Variants in SFMBT2 observed in about 807,000 individuals in gnomAD.
The protein encoded by SFMBT2 is scm-like with four MBT domains protein 2.
In SFMBT2, 38 loss-of-function variants were observed where a neutral mutation model predicts 110.1. That is an observed-to-expected ratio of 0.35 (90% CI 0.27 to 0.45). The LOEUF (loss-of-function observed/expected upper bound fraction) is 0.45, where lower values mean the gene tolerates loss of function less well. SFMBT2 is among the 20% of genes least tolerant of loss of function. The pLI, the probability that SFMBT2 is intolerant of heterozygous loss-of-function variation, is 1.00. For missense variants in SFMBT2, 1,011 were observed against 1,094.9 expected (o/e 0.92, Z 1.08); for synonymous variants, 425 against 425.4 (o/e 1.00, Z 0.01).
At chr10:7,349,921 ATG>A (rs1479718067) in intron 4 of SFMBT2, among the ~76,000 whole-genome samples, 1 of 152,148 alleles carries the variant, frequency 6.6e-6, no homozygotes, top group African/African-American at 2.4e-5. Context: ...AGTGTCTAGG[ATG>A]TCCCTATGGG....
intron 4 of SFMBT2, among the ~76,000 whole-genome samples, chr10:7,352,534 T>C (rs1213041418): frequency 6.6e-6 from 1 of 152,134 alleles, no homozygotes; most frequent in Non-Finnish European, 1.5e-5. Flanking sequence ...TGCCCAGGCT[T>C]AGACAGACAC....
At position 7,217,039 on chromosome 10, in the gene SFMBT2, C is replaced by T. The variant is rs191547042; in HGVS notation, c.1330+3372G>A. Reference sequence around the variant, plus strand: ...ATGATGAAAGTAGATAAACATAAAGCATTATTTATGATTGATAATAAATCT... The same window carrying T: ...ATGATGAAAGTAGATAAACATAAAGTATTATTTATGATTGATAATAAATCT... On this transcript the variant is annotated intron_variant, in intron 11 of 20. Coordinates refer to ENST00000397167, the MANE Select transcript of SFMBT2 (RefSeq NM_001387889.1). Among the ~76,000 whole-genome samples the T allele has an allele frequency of 1.3e-3, 200 of 152,292 alleles. 2 individuals are homozygous for T. Among genetic ancestry groups the T allele is most frequent in the African/African-American group, 4.7e-3 (197 of 41,568 alleles).
At position 7,410,986 on chromosome 10, in the gene SFMBT2, C is replaced by A. The variant is rs1383377449; in HGVS notation, c.-177G>T. ...CTCGCTCCCCGCCCGCCGCCTCCCT[C>A]GCGCGCCCGCTCCGGTCCTCCGGCT... On this transcript the variant is annotated 5_prime_UTR_variant, in exon 1 of 21. Coordinates refer to ENST00000397167, the MANE Select transcript of SFMBT2 (RefSeq NM_001387889.1). Among the ~76,000 whole-genome samples, 1 of 150,722 alleles carries A rather than the reference C, an allele frequency of 6.6e-6. No homozygotes were observed. The highest frequency in any genetic ancestry group is 1.5e-5 in the Non-Finnish European group (1 of 67,610).
At chr10:7,270,208 G>A (rs1564414513) in intron 7 of SFMBT2, among the ~76,000 whole-genome samples, 1 of 152,162 alleles carries the variant, frequency 6.6e-6, no homozygotes, top group Non-Finnish European at 1.5e-5. Context: ...GGGAACCGAG[G>A]GAGGTGGCCA....
chr10:7,315,116 A>AAGAAAGAAAGAAAGAAAG (rs1278252303), intron 4 of SFMBT2, among the ~76,000 whole-genome samples: 1 of 105,276 alleles, frequency 9.5e-6, no homozygotes, highest in Non-Finnish European at 2.4e-5. Flanking sequence ...AAGAAAAAGC[A>AAGAAAGAAAGAAAGAAAG]AGCAAGCAAG....
At chr10:7,284,265 C>T (rs1284958193) in intron 5 of SFMBT2, 115 bp from the exon 6 acceptor site, 1 of 1,504,936 alleles carries the variant, frequency 6.6e-7, no homozygotes, top group Non-Finnish European at 8.8e-7. Context: ...TACTGGCGAA[C>T]AGTCTGGCGT....
Position 7,379,567 on chromosome 10 carries a change from T to C in SFMBT2, c.100+2232A>G, listed in dbSNP as rs541530882. Among the ~76,000 whole-genome samples the C allele has an allele frequency of 3.3e-5, 5 of 152,158 alleles. No homozygotes were observed. The South Asian group carries it at 1.0e-3, about 32-fold the overall frequency. ...TGTCCTCTTTAAAGAGTCTGTATCG[T>C]CATCTAAAACTCTCCTCACCGCACA... On this transcript the variant is annotated intron_variant, in intron 2 of 20. Coordinates refer to ENST00000397167, the MANE Select transcript of SFMBT2 (RefSeq NM_001387889.1).
At position 7,215,644 on chromosome 10, in the gene SFMBT2, C is replaced by T. The variant is rs546003066; in HGVS notation, c.1330+4767G>A. ...TCACATCCATGGAGGCAGGGCCCCG[C>T]AGAGGCAGCACAGAACCCTGCAGGG... On this transcript the variant is annotated intron_variant, in intron 11 of 20. Transcript: ENST00000397167. The T allele has an allele frequency of 3.4e-4, 334 of 985,412 alleles. 3 individuals carry two copies. The South Asian group carries it at 0.014, about 41-fold the overall frequency. 61.0% of individuals were successfully genotyped at this position (985,412 alleles called of 1,614,324 possible). A position where few individuals can be genotyped will look rare whatever the true frequency, so the allele number is the denominator to read the frequency against.
chr10:7,376,941 C>T (rs572350759), intron 2 of SFMBT2, among the ~76,000 whole-genome samples: 3 of 149,846 alleles, frequency 2.0e-5, no homozygotes, highest in Admixed American at 6.7e-5. Flanking sequence ...GAGGCCGAGG[C>T]GGGCAAATCA....
At chr10:7,222,900 G>A (rs894526501) in intron 10 of SFMBT2, among the ~76,000 whole-genome samples, 15 of 152,078 alleles carry the variant, frequency 9.9e-5, no homozygotes, top group African/African-American at 1.9e-4. Flanking sequence ...TCGAACTCCT[G>A]ACATCTTGGC....
chr10:7,317,186 C>T (rs918657099), intron 4 of SFMBT2, among the ~76,000 whole-genome samples: 1 of 151,994 alleles, frequency 6.6e-6, no homozygotes, highest in African/African-American at 2.4e-5. Context: ...AGGACTGGCC[C>T]ACACTAAATC....
At chr10:7,327,080 T>G (rs1454150474) in intron 4 of SFMBT2, among the ~76,000 whole-genome samples, 1 of 150,652 alleles carries the variant, frequency 6.6e-6, no homozygotes. Flanking sequence ...AGTGCTTCCC[T>G]TCATGTCACT....
chr10:7,215,356 C>T (rs1839498908), intron 11 of SFMBT2, among the ~76,000 whole-genome samples: 1 of 152,218 alleles, frequency 6.6e-6, no homozygotes, highest in Admixed American at 6.5e-5. Context: ...GCCGTGATCA[C>T]ACCACCACAC....
chr10:7,332,360 C>A (rs1044354444), intron 4 of SFMBT2, among the ~76,000 whole-genome samples: 5 of 152,174 alleles, frequency 3.3e-5, no homozygotes, highest in African/African-American at 1.2e-4. Flanking sequence ...TCACCCAAGG[C>A]TTGACATAAA....
intron 2 of SFMBT2, among the ~76,000 whole-genome samples, chr10:7,378,326 G>A (rs1297352342): frequency 2.0e-4 from 20 of 100,380 alleles, no homozygotes; most frequent in African/African-American, 4.0e-4. Flanking sequence ...ATGGATGGGT[G>A]TGAGTGTGGG....
chr10:7,333,467 A>G (rs959531260), intron 4 of SFMBT2, among the ~76,000 whole-genome samples: 2 of 148,940 alleles, frequency 1.3e-5, no homozygotes, highest in African/African-American at 5.0e-5. Context: ...ATCATAGCTC[A>G]CTACCACCTC....
intron 7 of SFMBT2, among the ~76,000 whole-genome samples, chr10:7,266,358 G>A (rs1588399202): frequency 6.6e-6 from 1 of 152,114 alleles, no homozygotes; most frequent in East Asian, 1.9e-4. Context: ...CCAAACTGCT[G>A]GGATTACAGG....
At chr10:7,235,303 G>C (rs1009663239) in intron 9 of SFMBT2, among the ~76,000 whole-genome samples, 1 of 152,026 alleles carries the variant, frequency 6.6e-6, no homozygotes, top group Non-Finnish European at 1.5e-5. Context: ...TTCAATCCAG[G>C]GCACATGGAA....
At chr10:7,327,201 A>C (rs925224269) in intron 4 of SFMBT2, among the ~76,000 whole-genome samples, 2 of 151,976 alleles carry the variant, frequency 1.3e-5, no homozygotes, top group Non-Finnish European at 2.9e-5. Flanking sequence ...CAAAATAATA[A>C]GATTGTTTAA....
Sources: gnomAD v4.1 joint callset for allele counts (sites outside exome capture counted in the v4.1 genomes callset) on GRCh38, gnomAD v4.1.1 for gene constraint, MANE v1.5 for transcripts, NCBI Gene and HGNC (gene_info 2026-07-23, HGNC 2026-07-21) for gene names.